Variants in STK10 observed in about 807,000 individuals in gnomAD.
STK10 encodes the protein serine/threonine-protein kinase 10.
STK10 carries 78 observed loss-of-function variants against 113.8 expected under a neutral mutation model. The ratio of observed to expected loss-of-function variants is 0.69; its 90% confidence interval spans 0.57 to 0.83. STK10 has a LOEUF of 0.83. Among genes scored for constraint, STK10 ranks in the 40% least tolerant of loss-of-function variants. The pLI is 0.00. For missense variants in STK10, 1,109 were observed against 1,280.1 expected, an observed-to-expected ratio of 0.87 and a Z score of 2.04; for synonymous variants, 465 against 494.7, an observed-to-expected ratio of 0.94 and a Z score of 0.80.
rs1769646755 is a variant in STK10 at position 172,127,431 on chromosome 5, A to T, written c.322-10T>A. The T allele has an allele frequency of 6.2e-7, 1 of 1,613,202 alleles. No individual in the cohort carries two copies. The highest frequency in any genetic ancestry group is 1.3e-5 in the African/African-American group (1 of 74,888). On this transcript the variant is annotated splice_polypyrimidine_tract_variant and intron_variant, in intron 2 of 18. Transcript: ENST00000176763. ...AGAACTCAATCATGATCTGCAGAAA[A>T]CACAGGGCAAAGTGACAATGAGTGG...
intron 1 of STK10, among the ~76,000 whole-genome samples, chr5:172,173,925 C>T (rs1207386650): frequency 2.0e-5 from 3 of 152,212 alleles, no homozygotes; most frequent in Non-Finnish European, 4.4e-5. Context: ...TTAGACGTCA[C>T]AGCTCAAGAT....
intron 7 of STK10, 70 bp downstream of exon 7, chr5:172,105,586 C>T (rs577709334): frequency 2.9e-5 from 43 of 1,503,486 alleles, no homozygotes; most frequent in Admixed American, 1.0e-4. Context: ...ACATGCCCAG[C>T]GTCCAGGTCA....
In STK10 at chr5:172,133,214, G is replaced by A. The variant is rs1769791621; in HGVS notation, c.322-5793C>T. On this transcript the variant is annotated intron_variant, in intron 2 of 18. Coordinates refer to ENST00000176763, the MANE Select transcript of STK10 (RefSeq NM_005990.4). The surrounding 1 kb of genome is among the most constrained non-coding windows in gnomAD (Gnocchi z 4.9). ...GCTGTGTGTGCGTGTGTGCGTGTGTGTCTGGGGAGATACACCAAAGGGTTT... is the reference window on the plus strand; with the variant it reads ...GCTGTGTGTGCGTGTGTGCGTGTGTATCTGGGGAGATACACCAAAGGGTTT... Among the ~76,000 whole-genome samples, 2 of 152,128 alleles carry A rather than the reference G, an allele frequency of 1.3e-5. No homozygotes were observed. The highest frequency in any genetic ancestry group is 4.8e-5 in the African/African-American group (2 of 41,444).
At chr5:172,182,717 C>G (rs1181811063) in intron 1 of STK10, among the ~76,000 whole-genome samples, 2 of 151,728 alleles carry the variant, frequency 1.3e-5, no homozygotes, top group African/African-American at 2.4e-5. Context: ...CCACGCCTGG[C>G]TAATTTTTGT....
intron 4 of STK10, among the ~76,000 whole-genome samples, chr5:172,108,916 A>G (rs574968003): frequency 1.1e-4 from 17 of 151,866 alleles, no homozygotes; most frequent in African/African-American, 4.1e-4. Context: ...TCCCAAGTAG[A>G]TGACATTACA....
chr5:172,171,503 C>A (rs1371212413), intron 1 of STK10, among the ~76,000 whole-genome samples: 1 of 151,982 alleles, frequency 6.6e-6, no homozygotes, highest in African/African-American at 2.4e-5. Flanking sequence ...CACCTGAGGT[C>A]AGAAATTCAA....
At chr5:172,045,502 A>G (rs1767478464) in intron 18 of STK10, 1 of 448,538 alleles carries the variant, frequency 2.2e-6, no homozygotes, top group Middle Eastern at 3.3e-4. Context: ...AAACAAAAAC[A>G]AAAACAAAAT....
intron 7 of STK10, among the ~76,000 whole-genome samples, chr5:172,104,140 C>T: frequency 6.6e-6 from 1 of 152,232 alleles, no homozygotes; most frequent in East Asian, 1.9e-4. Context: ...GGTGTGGCGC[C>T]TTCCTCCCCT....
intron 3 of STK10, 121 bp downstream of exon 3, chr5:172,127,252 G>T: frequency 9.6e-7 from 1 of 1,041,420 alleles, no homozygotes; most frequent in Non-Finnish European, 1.4e-6. Context: ...AAGAGGCCAT[G>T]GGAACTGATG....
intron 2 of STK10, among the ~76,000 whole-genome samples, chr5:172,144,621 G>GC (rs1770049012): frequency 6.6e-6 from 1 of 152,264 alleles, no homozygotes; most frequent in African/African-American, 2.4e-5. Context: ...GGAACGCTGG[G>GC]CCAGGCGTGT....
At chr5:172,106,882 G>A (rs1769126289) in intron 5 of STK10, 68 bp from the exon 6 acceptor site, 3 of 1,485,026 alleles carry the variant, frequency 2.0e-6, no homozygotes, top group Non-Finnish European at 2.7e-6. Context: ...GGACATTCAG[G>A]GTCAAGGGCC....
Position 172,045,015 on chromosome 5 carries a change from T to C in STK10, c.2774A>G (p.Glu925Gly). 1 of 1,614,114 alleles carries C rather than the reference T, an allele frequency of 6.2e-7. No homozygotes were observed. The highest frequency in any genetic ancestry group is 8.5e-7 in the Non-Finnish European group (1 of 1,180,028). ...CCGCTTCTTCTGGTTCAGATCCTCT[T>C]CCAGAGCCTAGGGAAGAGAGAGGAT... is the stretch of plus-strand genomic sequence containing the variant. ...DKLRPRKKALEEDLNQKKREQ... is the reference protein window; with the variant it reads ...DKLRPRKKALGEDLNQKKREQ... The change falls in exon 19 of 19, where the codon GAA becomes GGA. Residue 925 changes from glutamate to glycine, a missense_variant. Physicochemically the swap from Glu to Gly is moderately conservative, Grantham distance 98. Transcript: ENST00000176763.
rs144527083 is a variant in STK10, at chr5:172,054,771, C to T, written c.2527-77G>A. ...GGTAGGGAGCCCCACTCAGCCCTGG[C>T]CCAGGGAGACCCCTCAGGGGGACTG... On this transcript the variant is annotated intron_variant, in intron 16 of 18. Transcript: ENST00000176763. 4.0e-3 allele frequency: 6,343 copies of T among 1,582,782 alleles called. 34 individuals carry two copies. The highest frequency in any genetic ancestry group is 0.028 in the East Asian group (1,235 of 44,776).
chr5:172,137,716 T>C (rs1316237589), intron 2 of STK10, among the ~76,000 whole-genome samples: 1 of 78,452 alleles, frequency 1.3e-5, no homozygotes, highest in Non-Finnish European at 2.5e-5. Context: ...CCATCTTTAC[T>C]AAAAATACAA....
At chr5:172,135,094 AAAG>A (rs1769823937) in intron 2 of STK10, among the ~76,000 whole-genome samples, 1 of 152,234 alleles carries the variant, frequency 6.6e-6, no homozygotes, top group African/African-American at 2.4e-5. Context: ...ATGTTTTTCC[AAAG>A]AAGATGTACA....
chr5:172,102,983 G>C (rs1341939974), intron 7 of STK10, among the ~76,000 whole-genome samples: 6 of 152,184 alleles, frequency 3.9e-5, no homozygotes, highest in Non-Finnish European at 7.3e-5. Context: ...CCACAAGTTG[G>C]TCCAGGCCCA....
chr5:172,061,322 A>T, intron 13 of STK10, 54 bp from the exon 14 acceptor site: 1 of 1,544,736 alleles, frequency 6.5e-7, no homozygotes, highest in Non-Finnish European at 8.7e-7. Flanking sequence ...GGGCACCTCC[A>T]TGTCTCTTCC....
chr5:172,187,981 C>T lies in STK10; in HGVS notation c.62G>A (p.Arg21His). 2 of 1,613,598 alleles carry T rather than the reference C, an allele frequency of 1.2e-6. No homozygotes were observed. The highest frequency in any genetic ancestry group is 1.1e-5 in the South Asian group (1 of 91,080). The change falls in exon 1 of 19, where the codon CGC (arginine) becomes CAC (histidine). Residue 21 changes from arginine (R) to histidine (H), a missense_variant. Arg to His is a conservative substitution (Grantham distance 29). Around this residue, in one of 5 missense-constraint regions of STK10, gnomAD observed 57 missense variants for 53.6 expected, o/e 1.06. Coordinates refer to ENST00000176763, the MANE Select transcript of STK10 (RefSeq NM_005990.4). This position sits in a 1 kb window ranked among gnomAD's most constrained non-coding sequence, Gnocchi z 4.6. ...RLSTFEKRKS[R>H]EYEHVRRDLD... ...GTCGCGGCGGACGTGCTCATATTCG[C>T]GGGACTTTCTCTTCTCGAAGGTAGA...
chr5:172,110,024 G>T (rs190423664), intron 4 of STK10, among the ~76,000 whole-genome samples: 94 of 152,356 alleles, frequency 6.2e-4, no homozygotes, highest in Non-Finnish European at 1.2e-3. Context: ...GGAGAACTTG[G>T]TTCCAGCCTC....
Sources: gnomAD v4.1 joint callset for allele counts (sites outside exome capture counted in the v4.1 genomes callset) on GRCh38, gnomAD v4.1.1 for gene constraint, gnomAD v4.1.1 regional missense constraint, Gnocchi (gnomAD v3.1) non-coding constraint, MANE v1.5 for transcripts, NCBI Gene and HGNC (gene_info 2026-07-23, HGNC 2026-07-21) for gene names.